Variants in SLIT2 observed in about 807,000 individuals in gnomAD.
SLIT2 encodes the protein slit homolog 2 protein.
SLIT2 carries 41 observed loss-of-function variants against 185.7 expected under a neutral mutation model. The ratio of observed to expected loss-of-function variants is 0.22; its 90% confidence interval spans 0.17 to 0.29. SLIT2 has a LOEUF of 0.29. Among genes scored for constraint, SLIT2 ranks in the 10% least tolerant of loss-of-function variants. The pLI, the probability that SLIT2 is intolerant of heterozygous loss-of-function variation, is 1.00. For synonymous variants in SLIT2, 693 were observed against 680.2 expected, an observed-to-expected ratio of 1.02 and a Z score of -0.29; for missense variants, 1,571 against 1,909.0, an observed-to-expected ratio of 0.82 and a Z score of 3.30.
At chr4:20,408,694 T>C (rs1313002740) in intron 4 of SLIT2, among the ~76,000 whole-genome samples, 2 of 152,310 alleles carry the variant, frequency 1.3e-5, no homozygotes, top group African/African-American at 2.4e-5. Context: ...TCTATCGCTC[T>C]AATAGTCCTT....
intron 29 of SLIT2, among the ~76,000 whole-genome samples, chr4:20,589,336 A>G (rs1029005867): frequency 2.0e-5 from 3 of 152,168 alleles, no homozygotes; most frequent in African/African-American, 7.2e-5. Flanking sequence ...CAAAATAAAC[A>G]ACGCCATTGA....
At chr4:20,570,213 A>G (rs1725452119) in intron 29 of SLIT2, among the ~76,000 whole-genome samples, 1 of 152,106 alleles carries the variant, frequency 6.6e-6, no homozygotes, top group East Asian at 1.9e-4. Context: ...AGTTTCCAGT[A>G]GAAATTTGAA....
At chr4:20,323,284 A>G (rs887169338) in intron 4 of SLIT2, among the ~76,000 whole-genome samples, 3 of 152,314 alleles carry the variant, frequency 2.0e-5, no homozygotes, top group Non-Finnish European at 4.4e-5. Context: ...AGTAAAACCA[A>G]CCTTTTCAGT....
chr4:20,551,230 C>A (rs4697169), intron 25 of SLIT2, among the ~76,000 whole-genome samples: 53,691 of 151,990 alleles, frequency 0.35, 10,311 homozygotes, highest in East Asian at 0.8. Context: ...AATTATCTAT[C>A]CTAACCCTGC....
At chr4:20,329,914 C>T (rs1169164063) in intron 4 of SLIT2, among the ~76,000 whole-genome samples, 3 of 152,068 alleles carry the variant, frequency 2.0e-5, no homozygotes, top group Non-Finnish European at 4.4e-5. Flanking sequence ...TTTCTGCTCT[C>T]ATGAGGGTTT....
intron 26 of SLIT2, among the ~76,000 whole-genome samples, chr4:20,560,407 A>G (rs1724600743): frequency 6.6e-6 from 1 of 152,002 alleles, no homozygotes; most frequent in Non-Finnish European, 1.5e-5. Context: ...GAAATAAATG[A>G]ACAGGAAGAA....
chr4:20,565,450 T>C (rs543441679), intron 26 of SLIT2, among the ~76,000 whole-genome samples: 2 of 152,146 alleles, frequency 1.3e-5, no homozygotes, highest in East Asian at 1.9e-4. Context: ...CCATTTATTG[T>C]TAGGTATTAT....
Position 20,254,035 on chromosome 4 carries a change from C to T in SLIT2, c.179+41C>T, listed in dbSNP as rs778068023. ...TCGTCTTCCCCTCTCCCCATCCGGG[C>T]CGCGCACCCCTGCCTCCACTGGAGG... On this transcript the variant is annotated intron_variant, in intron 1 of 36. Coordinates refer to ENST00000504154, the MANE Select transcript of SLIT2 (RefSeq NM_004787.4). The surrounding 1 kb of genome is among the most constrained non-coding windows in gnomAD (Gnocchi z 5.1). 2 of 1,572,604 alleles carry T rather than the reference C, an allele frequency of 1.3e-6. No homozygotes were observed. The highest frequency in any genetic ancestry group is 1.7e-6 in the Non-Finnish European group (2 of 1,159,690).
intron 29 of SLIT2, among the ~76,000 whole-genome samples, chr4:20,583,076 C>T (rs533957021): frequency 1.3e-5 from 2 of 152,108 alleles, no homozygotes; most frequent in African/African-American, 2.4e-5. Context: ...ATGTTTTGGC[C>T]GCTGTTAACA....
intron 30 of SLIT2, among the ~76,000 whole-genome samples, chr4:20,592,635 C>G (rs1429677045): frequency 3.9e-5 from 6 of 152,068 alleles, no homozygotes; most frequent in Non-Finnish European, 7.4e-5. Context: ...TTATCTTTCA[C>G]TTTGATTTCT....
intron 4 of SLIT2, among the ~76,000 whole-genome samples, chr4:20,337,072 A>G (rs573467117): frequency 6.6e-6 from 1 of 152,192 alleles, no homozygotes; most frequent in Non-Finnish European, 1.5e-5. Context: ...AACTACTGCA[A>G]TAGGAAGTAG....
chr4:20,474,633 C>A lies in SLIT2; in HGVS notation c.468-6083C>A, dbSNP rs116298983. 4.4e-3 allele frequency among the ~76,000 whole-genome samples: 670 copies of A among 152,164 alleles called. 3 individuals are homozygous for A. The highest frequency in any genetic ancestry group is 0.015 in the African/African-American group (641 of 41,558). On this transcript the variant is annotated intron_variant, in intron 5 of 36. Coordinates refer to ENST00000504154, the MANE Select transcript of SLIT2 (RefSeq NM_004787.4). Reference sequence around the variant, plus strand: ...AATTGGCATAATCATGCCATGGCTGCTGTGTCTTCTTATGATACAGAATGG... The same window carrying A: ...AATTGGCATAATCATGCCATGGCTGATGTGTCTTCTTATGATACAGAATGG...
chr4:20,354,888 T>A (rs1487476121), intron 4 of SLIT2, among the ~76,000 whole-genome samples: 1 of 82,666 alleles, frequency 1.2e-5, no homozygotes, highest in Non-Finnish European at 2.8e-5. Context: ...CAAGTCTGCG[T>A]GTGTGTGTGT....
chr4:20,460,072 C>A (rs562210245), intron 4 of SLIT2, among the ~76,000 whole-genome samples: 1 of 152,096 alleles, frequency 6.6e-6, no homozygotes, highest in Admixed American at 6.6e-5. Context: ...CCATGTTGGC[C>A]AGTCTGGTCT....
intron 5 of SLIT2, among the ~76,000 whole-genome samples, chr4:20,469,371 TA>T (rs376190434): frequency 6.6e-6 from 1 of 152,074 alleles, no homozygotes; most frequent in Non-Finnish European, 1.5e-5. Flanking sequence ...GGAATCCAAG[TA>T]AAAAAGTGGC....
At chr4:20,494,649 G>A (rs1718067886) in intron 9 of SLIT2, among the ~76,000 whole-genome samples, 1 of 151,780 alleles carries the variant, frequency 6.6e-6, no homozygotes, top group African/African-American at 2.4e-5. Context: ...CGTGGTCGTG[G>A]ATGCCTGTAG....
At chr4:20,308,582 A>C (rs1265665975) in intron 4 of SLIT2, among the ~76,000 whole-genome samples, 2 of 152,100 alleles carry the variant, frequency 1.3e-5, no homozygotes, top group Non-Finnish European at 2.9e-5. Context: ...TTTGAGTATC[A>C]GTCACTGCCT....
intron 4 of SLIT2, among the ~76,000 whole-genome samples, chr4:20,375,774 A>G (rs555355302): frequency 6.6e-6 from 1 of 152,080 alleles, no homozygotes; most frequent in South Asian, 2.1e-4. Context: ...TTAATTTTAT[A>G]CTTTGTAGAT....
At chr4:20,544,324 G>A (rs1267190621) in intron 21 of SLIT2, among the ~76,000 whole-genome samples, 2 of 152,132 alleles carry the variant, frequency 1.3e-5, no homozygotes, top group Middle Eastern at 3.4e-3. Context: ...AATTTTAACT[G>A]GACTATGTAT....
Sources: allele counts gnomAD v4.1 joint callset (sites outside exome capture counted in the v4.1 genomes callset), GRCh38; gene constraint gnomAD v4.1.1; non-coding constraint Gnocchi (gnomAD v3.1); transcripts MANE v1.5; gene names NCBI Gene and HGNC (gene_info 2026-07-23, HGNC 2026-07-21).